Variants in BRCA2 observed in about 807,000 individuals in gnomAD.
BRCA2 encodes the protein breast cancer type 2 susceptibility protein.
Under a neutral mutation model 276.7 loss-of-function variants are expected in BRCA2, and 203 were observed. The ratio of observed to expected loss-of-function variants is 0.73; its 90% CI spans 0.65 to 0.82. BRCA2 has a LOEUF of 0.82. Ranked by LOEUF, BRCA2 falls within the 40% of genes least tolerant of loss-of-function variation. BRCA2 has a pLI of 0.00. For synonymous variants in BRCA2, 1,289 were observed against 1,338.4 expected, an observed-to-expected ratio of 0.96 and a Z score of 0.81; for missense variants, 3,920 against 3,915.0, an observed-to-expected ratio of 1.00 and a Z score of -0.03.
At chr13:32,398,115 A>G (rs2137662214) in intron 26 of BRCA2, 47 bp from the exon 27 acceptor site, 1 of 1,553,916 alleles carries the variant, frequency 6.4e-7, no homozygotes, top group Non-Finnish European at 8.7e-7. Flanking sequence ...TTAGTTTTTT[A>G]TGTTACTACA....
rs554853950 is a variant in BRCA2 at position 32,370,877 on chromosome 13, G to A, written c.8488-79G>A. 2.4e-5 allele frequency: 37 copies of A among 1,561,176 alleles called. No homozygotes were observed. In the South Asian group the frequency reaches 4.2e-4, roughly 18 times the overall value. ...CAAAGTTCTGGGATTACAGATGTGA[G>A]CCACTGTGCCTGGCCTGATACAATT... On this transcript the variant is annotated intron_variant, in intron 19 of 26. Transcript: ENST00000380152.
chr13:32,318,066 T>C (rs2072276493), intron 2 of BRCA2, among the ~76,000 whole-genome samples: 1 of 152,202 alleles, frequency 6.6e-6, no homozygotes, highest in African/African-American at 2.4e-5. Flanking sequence ...TACATTAAAC[T>C]GGCATTATTA....
rs138734772 is a variant in BRCA2, at chr13:32,333,072, G to C, written c.1594G>C (p.Glu532Gln). The C allele has an allele frequency of 6.2e-7, 1 of 1,610,626 alleles. No individual in the cohort carries two copies. The highest frequency in any genetic ancestry group is 8.5e-7 in the Non-Finnish European group (1 of 1,179,282). ...TATGACTGATCCAAACTTTAAAAAA[G>C]AAACTGAAGCCTCTGAAAGTGGACT... is the stretch of plus-strand genomic sequence containing the variant. ...GHMTDPNFKK[E>Q]TEASESGLEI... The change falls in exon 10 of 27, where the codon GAA becomes CAA. Residue 532 changes from glutamate to glutamine, a missense_variant. This residue lies in a region of BRCA2 where 3,263 missense variants were observed against 3,156.9 expected (regional missense o/e 1.03). Transcript: ENST00000380152.
chr13:32,351,994 G>A (rs2072655775), intron 13 of BRCA2, among the ~76,000 whole-genome samples: 1 of 151,978 alleles, frequency 6.6e-6, no homozygotes, highest in South Asian at 2.1e-4. Flanking sequence ...CTAGAGAAGG[G>A]GTTTCACCGT....
rs992691835 is a variant in BRCA2 at position 32,387,085 on chromosome 13, A to G, written c.9256+6940A>G. 1.3e-4 allele frequency among the ~76,000 whole-genome samples: 20 copies of G among 152,030 alleles called. 1 individual carries two copies. The highest frequency in any genetic ancestry group is 4.8e-4 in the African/African-American group (20 of 41,368). On this transcript the variant is annotated intron_variant, in intron 24 of 26. Coordinates refer to ENST00000380152, the MANE Select transcript of BRCA2 (RefSeq NM_000059.4). ...GTAAGGTGGTGGTCTCCCAATGTAC[A>G]TGTCTGTGTCTAAATTTCCCCATAT...
In BRCA2 at chr13:32,329,448, A is replaced by AATGAAGAAG. The variant is rs878853596; in HGVS notation, c.638_646dup (p.Glu215_Ala216insAspGluGlu). 1 of 1,595,980 alleles carries AATGAAGAAG rather than the reference A, an allele frequency of 6.3e-7. No homozygotes were observed. The highest frequency in any genetic ancestry group is 8.6e-7 in the Non-Finnish European group (1 of 1,165,556). ...CATAAATTTTTATCTTACAGTCAGA[A>AATGAAGAAG]ATGAAGAAGCATCTGAAACTGTATT... On this transcript the variant is annotated inframe_insertion, in exon 8 of 27. Coordinates refer to ENST00000380152, the MANE Select transcript of BRCA2 (RefSeq NM_000059.4).
chr13:32,359,241 AAAG>A (rs1267911280), intron 16 of BRCA2, among the ~76,000 whole-genome samples: 1 of 151,362 alleles, frequency 6.6e-6, no homozygotes, highest in Non-Finnish European at 1.5e-5. Flanking sequence ...AAAAAAAAAA[AAAG>A]AAAGTTAAAT....
rs730881511 is a variant in BRCA2, at chr13:32,333,102, A to G, written c.1624A>G (p.Ile542Val). 4 of 1,613,718 alleles carry G rather than the reference A, an allele frequency of 2.5e-6. No homozygotes were observed. In the East Asian group the frequency reaches 6.7e-5, roughly 27 times the overall value. ...ETEASESGLE[I>V]HTVCSQKEDS... is the part of the protein sequence containing the mutation. ...TGAAGCCTCTGAAAGTGGACTGGAA[A>G]TACATACTGTTTGCTCACAGAAGGA... is the stretch of plus-strand genomic sequence containing the variant. Residue 542 changes from isoleucine to valine, a missense_variant, in exon 10 of 27, where the codon ATA (isoleucine) becomes GTA (valine). Ile to Val is a conservative substitution (Grantham distance 29). Transcript: ENST00000380152.
chr13:32,339,567 A>T lies in BRCA2; in HGVS notation c.5212A>T (p.Thr1738Ser), dbSNP rs876658357. ...DKNHLSEKQD[T>S]YLSNSSMSNS... ...AAATCATCTCTCCGAAAAACAAGAT[A>T]CTTATTTAAGTAACAGTAGCATGTC... Residue 1738 changes from threonine to serine, a missense_variant, in exon 11 of 27, where the codon ACT (threonine) becomes TCT (serine). By Grantham distance (58) the Thr-to-Ser change is moderately conservative (BLOSUM62 1). Around this residue, in one of 2 missense-constraint regions of BRCA2, gnomAD observed 3,263 missense variants for 3,156.9 expected, o/e 1.03. Coordinates refer to ENST00000380152, the MANE Select transcript of BRCA2 (RefSeq NM_000059.4). The T allele has an allele frequency of 6.2e-7, 1 of 1,608,866 alleles. No homozygotes were observed. The highest frequency in any genetic ancestry group is 8.5e-7 in the Non-Finnish European group (1 of 1,176,738).
In BRCA2 at chr13:32,332,406, T is replaced by G. The variant is rs778907270; in HGVS notation, c.928T>G (p.Leu310Val). ...VDTSEEDSFS[L>V]CFSKCRTKNL... ...TACCTCTGAAGAAGATAGTTTTTCA[T>G]TATGTTTTTCTAAATGTAGAACAAA... The change falls in exon 10 of 27, where the codon TTA becomes GTA. Residue 310 changes from leucine to valine, a missense_variant. Leu to Val is a conservative substitution (Grantham distance 32, BLOSUM62 1). Coordinates refer to ENST00000380152, the MANE Select transcript of BRCA2 (RefSeq NM_000059.4). The G allele has an allele frequency of 1.9e-6, 3 of 1,591,906 alleles. No homozygotes were observed. Among genetic ancestry groups the G allele is most frequent in the African/African-American group, 2.7e-5 (2 of 73,704 alleles).
At chr13:32,368,648 A>G (rs949307860) in intron 18 of BRCA2, among the ~76,000 whole-genome samples, 14 of 151,948 alleles carry the variant, frequency 9.2e-5, no homozygotes, top group Non-Finnish European at 1.8e-4. Flanking sequence ...TAGGGTAGTA[A>G]TGTAGTGATT....
In BRCA2 at chr13:32,340,090, A is replaced by T. The variant is rs1566233113; in HGVS notation, c.5735A>T (p.Glu1912Val). The T allele has an allele frequency of 1.2e-6, 2 of 1,613,930 alleles. No homozygotes were observed. Among genetic ancestry groups the T allele is most frequent in the Non-Finnish European group, 1.7e-6 (2 of 1,179,880 alleles). The change falls in exon 11 of 27, where the codon GAA becomes GTA. Residue 1912 changes from glutamate to valine, a missense_variant. Around this residue, in one of 2 missense-constraint regions of BRCA2, gnomAD observed 3,263 missense variants for 3,156.9 expected, o/e 1.03. Transcript: ENST00000380152. ...DILHNSLDNDECSTHSHKVFA... is the reference protein window; with the variant it reads ...DILHNSLDNDVCSTHSHKVFA... ...CTTCATAACTCTCTAGATAATGATG[A>T]ATGTAGCACGCATTCACATAAGGTT...
chr13:32,379,235 C>G, intron 21 of BRCA2, 82 bp from the exon 22 acceptor site: 1 of 1,336,762 alleles, frequency 7.5e-7, no homozygotes. Context: ...TTGTATTTGT[C>G]CTGTTTAAAG....
chr13:32,338,471 T>G lies in BRCA2; in HGVS notation c.4116T>G (p.Phe1372Leu), dbSNP rs786203478. The change falls in exon 11 of 27, where the codon TTT becomes TTG. Residue 1372 changes from phenylalanine (F) to leucine (L), a missense_variant. This residue lies in a region of BRCA2 where 3,263 missense variants were observed against 3,156.9 expected (regional missense o/e 1.03). Transcript: ENST00000380152. ...TATGTCTTAAATTATCTGGCCAGTT[T>G]ATGAAGGAGGGAAACACTCAGATTA... ...HNICLKLSGQ[F>L]MKEGNTQIKE... 6.2e-7 allele frequency: 1 copy of G among 1,610,942 alleles called. No individual in the cohort carries two copies.
At chr13:32,327,725 G>T (rs893393606) in intron 7 of BRCA2, among the ~76,000 whole-genome samples, 1 of 149,840 alleles carries the variant, frequency 6.7e-6, no homozygotes, top group African/African-American at 2.4e-5. Flanking sequence ...CTGAGTAGCT[G>T]AGATTTGGCT....
chr13:32,380,665 C>A (rs1000452019), intron 24 of BRCA2, among the ~76,000 whole-genome samples: 2 of 151,640 alleles, frequency 1.3e-5, no homozygotes, highest in Non-Finnish European at 2.9e-5. Context: ...CTCAGCCTCC[C>A]GAGTAGCTGG....
At position 32,333,323 on chromosome 13, in the gene BRCA2, C is replaced by A. The variant is rs941500711; in HGVS notation, c.1845C>A (p.Asn615Lys). 9 of 1,605,156 alleles carry A rather than the reference C, an allele frequency of 5.6e-6. No homozygotes were observed. The highest frequency in any genetic ancestry group is 7.6e-6 in the Non-Finnish European group (9 of 1,178,026). ...AAGACCAAAAATCAGAACTAATTAA[C>A]TGTTCAGCCCAGTTTGAAGCAAATG... ...IPKDQKSELINCSAQFEANAF... is the reference protein window; with the variant it reads ...IPKDQKSELIKCSAQFEANAF... Residue 615 changes from asparagine to lysine, a missense_variant, in exon 10 of 27, where the codon AAC becomes AAA. This residue lies in a region of BRCA2 where 3,263 missense variants were observed against 3,156.9 expected (regional missense o/e 1.03). Coordinates refer to ENST00000380152, the MANE Select transcript of BRCA2 (RefSeq NM_000059.4).
In BRCA2 at chr13:32,338,058, C is replaced by CA. The variant is rs34575057; in HGVS notation, c.3708dup (p.Ala1237SerfsTer6). The CA allele has an allele frequency of 6.2e-7, 1 of 1,610,492 alleles. No individual in the cohort carries two copies. Among genetic ancestry groups the CA allele is most frequent in the Non-Finnish European group, 8.5e-7 (1 of 1,178,564 alleles). On this transcript the variant is annotated frameshift_variant, in exon 11 of 27. Transcript: ENST00000380152. LOFTEE classifies it high-confidence loss of function. ...ACTGAATGTTTCTACTGAAGCTCTG[C>CA]AAAAAGCTGTGAAACTGTTTAGTGA... is the stretch of plus-strand genomic sequence containing the variant.
chr13:32,365,721 C>CTT (rs36116910), intron 18 of BRCA2, among the ~76,000 whole-genome samples: 25,284 of 105,418 alleles, frequency 0.24, 2,977 homozygotes, highest in Non-Finnish European at 0.27. Context: ...ACTTTGGTGT[C>CTT]TTTTTTTTTT....
Sources: gnomAD v4.1 joint callset for allele counts (sites outside exome capture counted in the v4.1 genomes callset) on GRCh38, gnomAD v4.1.1 for gene constraint, gnomAD v4.1.1 regional missense constraint, MANE v1.5 for transcripts, NCBI Gene and HGNC (gene_info 2026-07-23, HGNC 2026-07-21) for gene names.